Variants in DNAH1 observed in about 807,000 individuals in gnomAD.
The protein encoded by DNAH1 is dynein axonemal heavy chain 1.
In DNAH1, 327 loss-of-function variants were observed where a neutral mutation model predicts 484.3. The ratio of observed to expected loss-of-function variants is 0.68; its 90% CI spans 0.62 to 0.74. The LOEUF is 0.74. Among genes scored for constraint, DNAH1 ranks in the 30% least tolerant of loss-of-function variants. DNAH1 has a pLI of 0.00. For missense variants in DNAH1, 5,052 were observed against 5,546.8 expected (o/e 0.91, Z 2.83); for synonymous variants, 2,192 against 2,191.9 (o/e 1.00, Z 0.00).
At chr3:52,388,765 C>T in intron 58 of DNAH1, 41 bp from the exon 59 acceptor site, 1 of 1,610,366 alleles carries the variant, frequency 6.2e-7, no homozygotes, top group South Asian at 1.1e-5. Flanking sequence ...AGGCCCCTAG[C>T]CCAGCCTCCC....
At chr3:52,389,630 G>A (rs1239996135) in intron 60 of DNAH1, 44 bp downstream of exon 60, 66 of 1,370,174 alleles carry the variant, frequency 4.8e-5, no homozygotes, top group Non-Finnish European at 6.2e-5. Flanking sequence ...GGCCTGTGGT[G>A]TGGTCCAGGC....
chr3:52,350,475 A>ACC, intron 15 of DNAH1, 33 bp from the exon 16 acceptor site: 1 of 1,606,294 alleles, frequency 6.2e-7, no homozygotes, highest in East Asian at 2.2e-5. Context: ...TCCCTGGCAC[A>ACC]CGTGAAGTTC....
intron 15 of DNAH1, 21 bp downstream of exon 15, chr3:52,350,129 C>T (rs547147677): frequency 6.2e-7 from 1 of 1,606,336 alleles, no homozygotes; most frequent in Non-Finnish European, 8.5e-7. Flanking sequence ...CACACGGGCA[C>T]TGGGGCCAGG....
chr3:52,320,639 A>G (rs1242312107), intron 1 of DNAH1, among the ~76,000 whole-genome samples: 5 of 152,142 alleles, frequency 3.3e-5, no homozygotes, highest in African/African-American at 1.2e-4. Flanking sequence ...ACTAGCACAA[A>G]ACACCCAGCA....
Position 52,353,351 on chromosome 3 carries a change from C to T in DNAH1, c.3227-29C>T, listed in dbSNP as rs759836589. 3 of 1,608,478 alleles carry T rather than the reference C, an allele frequency of 1.9e-6. No homozygotes were observed. Among genetic ancestry groups the T allele is most frequent in the East Asian group, 2.2e-5 (1 of 44,800 alleles). On this transcript the variant is annotated intron_variant, in intron 19 of 77. Transcript: ENST00000420323. The surrounding 1 kb of genome is among the most constrained non-coding windows in gnomAD (Gnocchi z 5.0). ...CCTCCTCCCTGCCTCTGCCGCCTGC[C>T]TCTCATGCGTTTCTGTCTTACCCGG... is the stretch of plus-strand genomic sequence containing the variant.
At chr3:52,313,352 G>C (rs906126959), upstream of DNAH1, among the ~76,000 whole-genome samples, 1 of 152,124 alleles carries the variant, frequency 6.6e-6, no homozygotes, top group South Asian at 2.1e-4. Context: ...AGAGTGAGAG[G>C]AGTGTGAGGC....
Position 52,350,545 on chromosome 3 carries a change from T to C in DNAH1, c.2684T>C (p.Met895Thr). The change falls in exon 16 of 78, where the codon ATG becomes ACG. Residue 895 changes from methionine (M) to threonine (T), a missense_variant. Transcript: ENST00000420323. Reference protein sequence around the residue: ...IVKVMDDYQVMDEFLYNLSSD... With the variant: ...IVKVMDDYQVTDEFLYNLSSD... ...AAGGTCATGGATGACTACCAGGTCA[T>C]GGATGAATTCCTCTACAACCTCAGC... 6.2e-7 allele frequency: 1 copy of C among 1,613,960 alleles called. No homozygotes were observed. The highest frequency in any genetic ancestry group is 1.1e-5 in the South Asian group (1 of 91,072).
rs1432398606 is a variant in DNAH1, at chr3:52,395,530, T to A, written c.11128-17T>A. The A allele has an allele frequency of 6.2e-7, 1 of 1,613,384 alleles. No homozygotes were observed. Among genetic ancestry groups the A allele is most frequent in the Non-Finnish European group, 8.5e-7 (1 of 1,179,774 alleles). On this transcript the variant is annotated splice_polypyrimidine_tract_variant and intron_variant, in intron 69 of 77. Transcript: ENST00000420323. The surrounding 1 kb of genome is among the most constrained non-coding windows in gnomAD (Gnocchi z 4.4). Reference sequence around the variant, plus strand: ...GTGGGCAAGCTGGCCCCCTGCTCAGTGCTCTTGCCCCTGCAGGGCCCTCGG... The same window carrying A: ...GTGGGCAAGCTGGCCCCCTGCTCAGAGCTCTTGCCCCTGCAGGGCCCTCGG...
At chr3:52,398,482 G>A (rs1704741510) in intron 75 of DNAH1, among the ~76,000 whole-genome samples, 1 of 152,134 alleles carries the variant, frequency 6.6e-6, no homozygotes, top group Admixed American at 6.5e-5. Context: ...TAGAGACGGG[G>A]TTTCACCATG....
Position 52,349,418 on chromosome 3 carries a change from A to G in DNAH1, c.2524A>G (p.Ser842Gly), listed in dbSNP as rs769285482. 9 of 1,613,450 alleles carry G rather than the reference A, an allele frequency of 5.6e-6. No individual in the cohort carries two copies. The East Asian group carries it at 6.7e-5, about 12-fold the overall frequency. ...CAAGAACCTGCATAAGGAGGTGGAT[A>G]GCGTAAGTGCCCACCTGCCCCGCCT... ...LAKNLHKEVD[S>G]ICEEFRSISR... Residue 842 changes from serine (S) to glycine (G), a missense_variant and splice_region_variant, in exon 14 of 78, where the codon AGC becomes GGC. Coordinates refer to ENST00000420323, the MANE Select transcript of DNAH1 (RefSeq NM_015512.5).
upstream of DNAH1, among the ~76,000 whole-genome samples, chr3:52,315,576 G>A (rs1700923091): frequency 6.6e-6 from 1 of 152,218 alleles, no homozygotes; most frequent in Non-Finnish European, 1.5e-5. Context: ...GGGGATCTGA[G>A]TAAGAGATGG....
At chr3:52,341,063 C>CT (rs1266947515) in intron 8 of DNAH1, among the ~76,000 whole-genome samples, 1 of 151,856 alleles carries the variant, frequency 6.6e-6, no homozygotes, top group Non-Finnish European at 1.5e-5. Flanking sequence ...GTCCAGAAGT[C>CT]TGTTTCTTGA....
intron 6 of DNAH1, among the ~76,000 whole-genome samples, chr3:52,328,401 C>A (rs976471553): frequency 6.6e-6 from 1 of 152,158 alleles, no homozygotes; most frequent in African/African-American, 2.4e-5. Flanking sequence ...CTTTTGTGTG[C>A]ACAACACACA....
At chr3:52,399,468 A>G (rs1004575430) in intron 76 of DNAH1, 77 bp from the exon 77 acceptor site, 12 of 1,308,450 alleles carry the variant, frequency 9.2e-6, no homozygotes, top group African/African-American at 2.9e-5. Flanking sequence ...CAGCTCTCTC[A>G]GAAGGGAGTT....
At position 52,350,606 on chromosome 3, in the gene DNAH1, G is replaced by A. The variant is rs752248035; in HGVS notation, c.2729+16G>A. The A allele has an allele frequency of 1.2e-5, 20 of 1,611,960 alleles. No individual in the cohort carries two copies. The highest frequency in any genetic ancestry group is 1.6e-4 in the Middle Eastern group (1 of 6,082). On this transcript the variant is annotated intron_variant, in intron 16 of 77. Transcript: ENST00000420323. ...TCAATGACAAGTGAGTGGGAGCTTG[G>A]CCCCCATGCCAGGTGCGGGGTGGAG...
At position 52,358,610 on chromosome 3, in the gene DNAH1, A is replaced by G; in HGVS notation, c.4139A>G (p.Glu1380Gly). Residue 1380 changes from glutamate (E) to glycine (G), a missense_variant, in exon 25 of 78, where the codon GAG (glutamate) becomes GGG (glycine). Physicochemically the swap from Glu to Gly is moderately conservative, Grantham distance 98. This residue lies in a region of DNAH1 where 2,929 missense variants were observed against 3,409.4 expected (regional missense o/e 0.86). Coordinates refer to ENST00000420323, the MANE Select transcript of DNAH1 (RefSeq NM_015512.5). The surrounding 1 kb of genome is among the most constrained non-coding windows in gnomAD (Gnocchi z 4.2). ...ACGCACATGTACTCAGCCGAGGGGG[A>G]GGAGGTACAGTTGTGCTTCTCCATC... ...EITHMYSAEG[E>G]EVQLCFSIYP... 6.2e-7 allele frequency: 1 copy of G among 1,612,872 alleles called. No homozygotes were observed. The highest frequency in any genetic ancestry group is 1.1e-5 in the South Asian group (1 of 90,998).
In DNAH1 at chr3:52,359,940, CG is replaced by C; in HGVS notation, c.4437del (p.Lys1480SerfsTer13). On this transcript the variant is annotated frameshift_variant, in exon 27 of 78. Coordinates refer to ENST00000420323, the MANE Select transcript of DNAH1 (RefSeq NM_015512.5). LOFTEE classifies it high-confidence loss of function. The stretch of plus-strand genomic sequence containing the variant: ...GCTCAGTGATCTGGTGGCCCTTGTG[CG>C]GGGGAAGCTGTCCCGCATGCAGCGG... The part of the protein sequence containing the change: ...QQLSDLVALV[R>X]GKLSRMQRAV... 1 of 1,613,802 alleles carries C rather than the reference CG, an allele frequency of 6.2e-7. No individual in the cohort carries two copies. The highest frequency in any genetic ancestry group is 8.5e-7 in the Non-Finnish European group (1 of 1,179,878).
chr3:52,383,621 C>T, intron 51 of DNAH1, 27 bp downstream of exon 51: 1 of 1,535,488 alleles, frequency 6.5e-7, no homozygotes, highest in Non-Finnish European at 8.8e-7. Flanking sequence ...CCAGGCTGCG[C>T]TGGGGCAGCG....
chr3:52,324,988 C>G (rs905427333), intron 3 of DNAH1, among the ~76,000 whole-genome samples: 1 of 152,072 alleles, frequency 6.6e-6, no homozygotes, highest in Non-Finnish European at 1.5e-5. Context: ...GCATGGGTCT[C>G]TTCGCCCTGG....
Sources: gnomAD v4.1 joint callset for allele counts (sites outside exome capture counted in the v4.1 genomes callset) on GRCh38, gnomAD v4.1.1 for gene constraint, gnomAD v4.1.1 regional missense constraint, Gnocchi (gnomAD v3.1) non-coding constraint, MANE v1.5 for transcripts, NCBI Gene and HGNC (gene_info 2026-07-23, HGNC 2026-07-21) for gene names.